RAB3C: variants seen among roughly 807,000 people sequenced by gnomAD.
The protein encoded by RAB3C is ras-related protein Rab-3C.
In RAB3C, 17 loss-of-function variants were observed where a neutral mutation model predicts 26.4. That is an observed-to-expected ratio of 0.64 (90% confidence interval 0.44 to 0.97). The LOEUF is 0.97. Among genes scored for constraint, RAB3C ranks in the 50% least tolerant of loss-of-function variants. The probability of loss-of-function intolerance (pLI) is 0.00; values close to 1 mark genes in which losing one functional copy is unlikely to be tolerated. For synonymous variants in RAB3C, 91 were observed against 95.9 expected (o/e 0.95, Z 0.30); for missense variants, 242 against 281.9 (o/e 0.86, Z 1.01).
intron 2 of RAB3C, among the ~76,000 whole-genome samples, chr5:58,666,113 G>T (rs998595767): frequency 6.6e-6 from 1 of 152,164 alleles, no homozygotes; most frequent in Non-Finnish European, 1.5e-5. Flanking sequence ...CTTCTGGCAG[G>T]TTCCAACACA....
intron 3 of RAB3C, among the ~76,000 whole-genome samples, chr5:58,801,514 C>A (rs562219959): frequency 6.6e-6 from 1 of 152,312 alleles, no homozygotes; most frequent in South Asian, 2.1e-4. Context: ...CCTATGCAGA[C>A]TTTGAATTTT....
chr5:58,729,018 A>T (rs1740945974), intron 3 of RAB3C, among the ~76,000 whole-genome samples: 2 of 151,996 alleles, frequency 1.3e-5, no homozygotes, highest in African/African-American at 2.4e-5. Context: ...GCTTTAAAAG[A>T]TTAAAAGATA....
chr5:58,590,577 C>T (rs1746107285), intron 1 of RAB3C, among the ~76,000 whole-genome samples: 1 of 151,528 alleles, frequency 6.6e-6, no homozygotes, highest in Admixed American at 6.6e-5. Flanking sequence ...GAGTCTCACT[C>T]TGTTGCCCAG....
At chr5:58,655,626 A>G (rs1259671896) in intron 2 of RAB3C, among the ~76,000 whole-genome samples, 7 of 152,164 alleles carry the variant, frequency 4.6e-5, no homozygotes, top group Non-Finnish European at 1.0e-4. Flanking sequence ...AGGAAACATT[A>G]TTTGGAGAAT....
chr5:58,584,302 A>G (rs1745967652), intron 1 of RAB3C, among the ~76,000 whole-genome samples: 1 of 152,244 alleles, frequency 6.6e-6, no homozygotes, highest in Admixed American at 6.5e-5. Context: ...ATGTATATTA[A>G]GAACCCCTTA....
At chr5:58,777,603 T>C (rs913499929) in intron 3 of RAB3C, among the ~76,000 whole-genome samples, 1 of 151,930 alleles carries the variant, frequency 6.6e-6, no homozygotes, top group Non-Finnish European at 1.5e-5. Context: ...TGTTTTTTTT[T>C]TTTTTTTTGT....
chr5:58,799,122 T>G (rs1307780352), intron 3 of RAB3C, among the ~76,000 whole-genome samples: 1 of 152,208 alleles, frequency 6.6e-6, no homozygotes, highest in Non-Finnish European at 1.5e-5. Context: ...CAGAGTTTCC[T>G]GGTTGATTTA....
At chr5:58,792,273 ACTTCC>A (rs1742541327) in intron 3 of RAB3C, among the ~76,000 whole-genome samples, 1 of 152,210 alleles carries the variant, frequency 6.6e-6, no homozygotes, top group Non-Finnish European at 1.5e-5. Flanking sequence ...TATCTGGAAT[ACTTCC>A]AGGAATTAAG....
intron 3 of RAB3C, among the ~76,000 whole-genome samples, chr5:58,740,677 G>A (rs940921515): frequency 6.6e-6 from 1 of 152,022 alleles, no homozygotes; most frequent in Non-Finnish European, 1.5e-5. Context: ...AAAATTAGCT[G>A]GATGTGGTGG....
intron 2 of RAB3C, among the ~76,000 whole-genome samples, chr5:58,637,260 A>G (rs1177561000): frequency 6.6e-6 from 1 of 152,080 alleles, no homozygotes; most frequent in Non-Finnish European, 1.5e-5. Context: ...ATCAAACAAA[A>G]CAAGTGTTGA....
At chr5:58,751,791 T>C (rs1243790216) in intron 3 of RAB3C, among the ~76,000 whole-genome samples, 1 of 152,228 alleles carries the variant, frequency 6.6e-6, no homozygotes, top group Non-Finnish European at 1.5e-5. Context: ...CTGAATTAAA[T>C]CTGCTGTTTC....
intron 1 of RAB3C, 72 bp downstream of exon 1, chr5:58,583,304 G>A: frequency 1.9e-6 from 3 of 1,605,390 alleles, no homozygotes; most frequent in Non-Finnish European, 2.6e-6. Flanking sequence ...CCGCGCACAA[G>A]CAGTTCAACG....
intron 1 of RAB3C, 100 bp downstream of exon 1, chr5:58,583,332 G>T: frequency 6.3e-7 from 1 of 1,579,414 alleles, no homozygotes; most frequent in East Asian, 2.3e-5. Flanking sequence ...AGGTCTAGGC[G>T]GTCACCCGCG....
At chr5:58,779,582 C>A (rs1034623077) in intron 3 of RAB3C, among the ~76,000 whole-genome samples, 4 of 151,818 alleles carry the variant, frequency 2.6e-5, no homozygotes, top group African/African-American at 9.7e-5. Context: ...GAGATGGGGC[C>A]TTATCATGTT....
At chr5:58,830,730 C>T (rs1197821804) in intron 4 of RAB3C, among the ~76,000 whole-genome samples, 1 of 152,156 alleles carries the variant, frequency 6.6e-6, no homozygotes, top group Non-Finnish European at 1.5e-5. Flanking sequence ...GAACTTGGAT[C>T]CATGTGCTCT....
In RAB3C at chr5:58,714,357, T is replaced by C. The variant is rs1411502687; in HGVS notation, c.253-11645T>C. On this transcript the variant is annotated intron_variant, in intron 2 of 4. Transcript: ENST00000282878. Reference sequence around the variant, plus strand: ...AGTGAAGATAGACTATAACTAGAATTATATACCCAGCTAAACATTATTCAT... The same window carrying C: ...AGTGAAGATAGACTATAACTAGAATCATATACCCAGCTAAACATTATTCAT... 3.3e-5 allele frequency among the ~76,000 whole-genome samples: 5 copies of C among 152,228 alleles called. No individual in the cohort carries two copies. In the East Asian group the frequency reaches 5.8e-4, roughly 18 times the overall value.
intron 2 of RAB3C, among the ~76,000 whole-genome samples, chr5:58,699,226 C>T (rs754091889): frequency 9.2e-5 from 14 of 152,204 alleles, no homozygotes; most frequent in Non-Finnish European, 1.9e-4. Context: ...AGTTCCACTC[C>T]AGACCCTGTT....
chr5:58,607,475 T>C (rs1321281565), intron 1 of RAB3C, among the ~76,000 whole-genome samples: 2 of 152,198 alleles, frequency 1.3e-5, no homozygotes, highest in Non-Finnish European at 2.9e-5. Flanking sequence ...TGGAACCAAG[T>C]TGGAAAACAC....
chr5:58,841,606 C>T (rs537604919), intron 4 of RAB3C, among the ~76,000 whole-genome samples: 24 of 152,226 alleles, frequency 1.6e-4, no homozygotes, highest in African/African-American at 5.8e-4. Context: ...TGCATGAATT[C>T]CTAGCGGCTC....
Sources: gnomAD v4.1 joint callset for allele counts (sites outside exome capture counted in the v4.1 genomes callset) on GRCh38, gnomAD v4.1.1 for gene constraint, MANE v1.5 for transcripts, NCBI Gene and HGNC (gene_info 2026-07-23, HGNC 2026-07-21) for gene names.